The following BSN variants were observed in gnomAD, a reference collection of about 807,000 sequenced individuals.
BSN encodes the protein bassoon presynaptic cytomatrix protein.
BSN carries 57 observed loss-of-function variants against 264.8 expected under a neutral mutation model. The ratio of observed to expected loss-of-function variants is 0.22; its 90% CI spans 0.17 to 0.27. The LOEUF is 0.27. BSN is among the 10% of genes least tolerant of loss of function. BSN has a pLI of 1.00. For missense variants in BSN, 4,615 were observed against 5,232.5 expected, an observed-to-expected ratio of 0.88 and a Z score of 3.64; for synonymous variants, 2,059 against 2,137.3, an observed-to-expected ratio of 0.96 and a Z score of 1.01.
rs1225480120 is a variant in BSN, at chr3:49,651,874, C to G, written c.2318C>G (p.Ser773Cys). Residue 773 changes from serine (S) to cysteine (C), a missense_variant, in exon 5 of 12, where the codon TCT (serine) becomes TGT (cysteine). By Grantham distance (112) the Ser-to-Cys change is moderately radical. Around this residue, in one of 3 missense-constraint regions of BSN, gnomAD observed 1,197 missense variants for 1,348.0 expected, o/e 0.89. Coordinates refer to ENST00000296452, the MANE Select transcript of BSN (RefSeq NM_003458.4). The surrounding 1 kb of genome is among the most constrained non-coding windows in gnomAD (Gnocchi z 5.4). ...SLSITPEAFD[S>C]DEELEDILEE... The stretch of plus-strand genomic sequence containing the variant: ...TCCATCACGCCTGAGGCCTTTGACT[C>G]TGATGAGGAGCTGGAGGATATCCTG... The G allele has an allele frequency of 6.2e-7, 1 of 1,614,004 alleles. No homozygotes were observed. Among genetic ancestry groups the G allele is most frequent in the South Asian group, 1.1e-5 (1 of 91,088 alleles).
intron 1 of BSN, among the ~76,000 whole-genome samples, chr3:49,598,369 T>C (rs1468701073): frequency 6.6e-6 from 1 of 152,250 alleles, no homozygotes; most frequent in Admixed American, 6.5e-5. Context: ...TGGAGTCTGT[T>C]TTCCCTGAAG....
intron 1 of BSN, among the ~76,000 whole-genome samples, chr3:49,600,468 G>C (rs1015689715): frequency 6.6e-6 from 1 of 152,130 alleles, no homozygotes; most frequent in Non-Finnish European, 1.5e-5. Context: ...ATTTAGACTT[G>C]AGTCTAAAGG....
intron 2 of BSN, chr3:49,640,376 T>G (rs1370595409): frequency 6.6e-6 from 1 of 152,258 alleles, no homozygotes; most frequent in Non-Finnish European, 1.5e-5. Context: ...TGGGCTGCTT[T>G]GGGGCACAGA....
chr3:49,631,142 T>C (rs575753828), intron 2 of BSN, among the ~76,000 whole-genome samples: 11 of 152,082 alleles, frequency 7.2e-5, no homozygotes, highest in African/African-American at 2.7e-4. Flanking sequence ...CTGTGAAGCC[T>C]TCAGACCAGT....
Position 49,642,644 on chromosome 3 carries a change from G to A in BSN, c.1010G>A (p.Gly337Asp), listed in dbSNP as rs112246114. ...KSATAVPAGL[G>D]ATEQTQEGLT... is the part of the protein sequence containing the mutation. The stretch of plus-strand genomic sequence containing the variant: ...GCCACCGCAGTGCCCGCTGGGCTTG[G>A]TGCCACTGAGCAGACCCAGGAGGGC... Residue 337 changes from glycine to aspartate, a missense_variant, in exon 3 of 12, where the codon GGT becomes GAT. By Grantham distance (94) the Gly-to-Asp change is moderately conservative. Transcript: ENST00000296452. This position sits in a 1 kb window ranked among gnomAD's most constrained non-coding sequence, Gnocchi z 7.0. 1.9e-6 allele frequency: 3 copies of A among 1,603,720 alleles called. No homozygotes were observed. The highest frequency in any genetic ancestry group is 2.2e-5 in the East Asian group (1 of 44,714).
intron 1 of BSN, among the ~76,000 whole-genome samples, chr3:49,561,826 G>A (rs2051713860): frequency 6.9e-6 from 1 of 145,972 alleles, no homozygotes; most frequent in African/African-American, 2.5e-5. Flanking sequence ...TTTTTTTTTT[G>A]AGACAAAGTC....
intron 1 of BSN, among the ~76,000 whole-genome samples, chr3:49,593,067 C>T (rs779094949): frequency 7.9e-5 from 12 of 152,190 alleles, no homozygotes; most frequent in Non-Finnish European, 1.8e-4. Context: ...TCCACCCCAT[C>T]CCTAATCCCT....
At chr3:49,606,081 T>C (rs1449554875) in intron 1 of BSN, among the ~76,000 whole-genome samples, 1 of 80,032 alleles carries the variant, frequency 1.2e-5, no homozygotes, top group Non-Finnish European at 2.1e-5. Flanking sequence ...TAAAAATATA[T>C]AATTTTTTAT....
chr3:49,640,953 A>G (rs2052458421), intron 2 of BSN, among the ~76,000 whole-genome samples: 1 of 152,046 alleles, frequency 6.6e-6, no homozygotes, highest in African/African-American at 2.4e-5. Flanking sequence ...ACCACTTGGC[A>G]GAGCAGACAG....
chr3:49,645,552 C>T (rs2052498806), intron 3 of BSN, among the ~76,000 whole-genome samples: 2 of 152,194 alleles, frequency 1.3e-5, no homozygotes, highest in African/African-American at 2.4e-5. Context: ...TCCTTATCCT[C>T]CCTTACCCAC....
intron 1 of BSN, among the ~76,000 whole-genome samples, chr3:49,580,096 T>C (rs531020068): frequency 6.6e-6 from 1 of 152,170 alleles, no homozygotes; most frequent in African/African-American, 2.4e-5. Context: ...AAATTTAATT[T>C]GATTATTTTA....
At chr3:49,631,282 A>G (rs2052382511) in intron 2 of BSN, among the ~76,000 whole-genome samples, 1 of 151,972 alleles carries the variant, frequency 6.6e-6, no homozygotes, top group Non-Finnish European at 1.5e-5. Context: ...GTAGTTGGGC[A>G]TGGTGGCTCA....
chr3:49,654,168 C>T lies in BSN; in HGVS notation c.4612C>T (p.His1538Tyr), dbSNP rs1483442692. ...PMVAQGTQTP[H>Y]RPSTPRLVWQ... ...GGTAGCCCAGGGTACACAAACACCACATCGACCCAGCACGCCTCGCCTGGT... is the reference window on the plus strand; with the variant it reads ...GGTAGCCCAGGGTACACAAACACCATATCGACCCAGCACGCCTCGCCTGGT... The change falls in exon 5 of 12, where the codon CAT (histidine) becomes TAT (tyrosine). Residue 1538 changes from histidine to tyrosine, a missense_variant. Physicochemically the swap from His to Tyr is moderately conservative, Grantham distance 83. Transcript: ENST00000296452. This position sits in a 1 kb window ranked among gnomAD's most constrained non-coding sequence, Gnocchi z 4.1. 6 of 1,613,928 alleles carry T rather than the reference C, an allele frequency of 3.7e-6. No homozygotes were observed. The highest frequency in any genetic ancestry group is 1.3e-5 in the African/African-American group (1 of 74,922).
chr3:49,646,850 G>C (rs892805907), intron 3 of BSN, among the ~76,000 whole-genome samples: 1 of 152,170 alleles, frequency 6.6e-6, no homozygotes, highest in Non-Finnish European at 1.5e-5. Flanking sequence ...CACCATGGTG[G>C]GTTTATTTTA....
chr3:49,672,306 G>A (rs1037089605), downstream of BSN, among the ~76,000 whole-genome samples: 2 of 152,068 alleles, frequency 1.3e-5, no homozygotes, highest in African/African-American at 4.8e-5. Context: ...ACAATCTAAG[G>A]AACAGGCACT....
chr3:49,647,356 C>T (rs1375936847), intron 3 of BSN, among the ~76,000 whole-genome samples: 1 of 152,236 alleles, frequency 6.6e-6, no homozygotes, highest in African/African-American at 2.4e-5. Context: ...GCATACACAC[C>T]TGCCTCTCCC....
intron 1 of BSN, among the ~76,000 whole-genome samples, chr3:49,594,890 ATT>A (rs35658408): frequency 6.9e-6 from 1 of 144,354 alleles, no homozygotes; most frequent in Non-Finnish European, 1.5e-5. Context: ...AGATCCTACA[ATT>A]TTTTTTTTTT....
At chr3:49,658,299 C>G in intron 5 of BSN, 103 bp downstream of exon 5, 1 of 1,357,338 alleles carries the variant, frequency 7.4e-7, no homozygotes, top group Non-Finnish European at 9.7e-7. Context: ...AGAGGCATCT[C>G]TGGCCCCAGA....
chr3:49,590,205 T>C (rs1171532056), intron 1 of BSN, among the ~76,000 whole-genome samples: 1 of 152,198 alleles, frequency 6.6e-6, no homozygotes, highest in Non-Finnish European at 1.5e-5. Flanking sequence ...GTATAGCCAT[T>C]ACAGCTGTCT....
Sources: gnomAD v4.1 joint callset for allele counts (sites outside exome capture counted in the v4.1 genomes callset) on GRCh38, gnomAD v4.1.1 for gene constraint, gnomAD v4.1.1 regional missense constraint, Gnocchi (gnomAD v3.1) non-coding constraint, MANE v1.5 for transcripts, NCBI Gene and HGNC (gene_info 2026-07-23, HGNC 2026-07-21) for gene names.